The following WRN variants were observed in gnomAD, a reference collection of about 807,000 sequenced individuals.
WRN encodes the protein bifunctional 3'-5' exonuclease/ATP-dependent helicase WRN.
WRN carries 149 observed loss-of-function variants against 180.7 expected under a neutral mutation model. That is an observed-to-expected ratio of 0.82 (90% CI 0.72 to 0.94). The LOEUF (loss-of-function observed/expected upper bound fraction) is 0.94. WRN is among the 40% of genes least tolerant of loss of function. The probability of loss-of-function intolerance (pLI) is 0.00; values close to 1 mark genes in which losing one functional copy is unlikely to be tolerated. For missense variants in WRN, 1,661 were observed against 1,700.1 expected (o/e 0.98, Z 0.40); for synonymous variants, 548 against 568.9 (o/e 0.96, Z 0.52).
intron 1 of WRN, among the ~76,000 whole-genome samples, chr8:31,044,193 C>T (rs113225757): frequency 0.023 from 3,465 of 151,644 alleles, 118 homozygotes; most frequent in African/African-American, 0.077. Context: ...AGGTGCACGC[C>T]GCCACACCCG....
At chr8:31,152,711 A>G (rs912018675) in intron 31 of WRN, among the ~76,000 whole-genome samples, 3 of 152,224 alleles carry the variant, frequency 2.0e-5, no homozygotes. Flanking sequence ...CCTCAACTTA[A>G]TCTTTGTTAA....
chr8:31,135,165 A>G (rs1237060563), intron 24 of WRN, among the ~76,000 whole-genome samples: 1 of 151,768 alleles, frequency 6.6e-6, no homozygotes, highest in Non-Finnish European at 1.5e-5. Flanking sequence ...CAATCCTCCC[A>G]CCTCAGCCTC....
chr8:31,093,460 A>G (rs1813838792), intron 16 of WRN, among the ~76,000 whole-genome samples: 2 of 152,124 alleles, frequency 1.3e-5, no homozygotes, highest in Non-Finnish European at 1.5e-5. Context: ...ATTTCATTGA[A>G]TATAGCACAG....
chr8:31,070,218 T>C (rs1812855948), intron 7 of WRN, among the ~76,000 whole-genome samples: 1 of 151,774 alleles, frequency 6.6e-6, no homozygotes, highest in South Asian at 2.1e-4. Flanking sequence ...TTTTTTTCCT[T>C]CCTTCCTCCC....
intron 17 of WRN, among the ~76,000 whole-genome samples, 192 bp downstream of exon 17, chr8:31,097,042 G>T (rs1213427235): frequency 2.0e-5 from 3 of 152,056 alleles, no homozygotes; most frequent in Non-Finnish European, 4.4e-5. Flanking sequence ...TTTTGCTATA[G>T]AAATTAGGCT....
chr8:31,117,268 C>A (rs770410603), intron 20 of WRN, among the ~76,000 whole-genome samples: 21 of 152,194 alleles, frequency 1.4e-4, no homozygotes, highest in Admixed American at 2.6e-4. Flanking sequence ...CTTGAAGACA[C>A]TCCCTGTTGG....
intron 1 of WRN, among the ~76,000 whole-genome samples, chr8:31,047,720 T>G (rs1267405757): frequency 2.6e-5 from 4 of 152,226 alleles, no homozygotes; most frequent in Non-Finnish European, 1.5e-5. Context: ...ATAGACAACC[T>G]AAGCAACTTT....
chr8:31,072,635 A>C (rs1277711893), intron 7 of WRN, among the ~76,000 whole-genome samples: 1 of 152,218 alleles, frequency 6.6e-6, no homozygotes, highest in Admixed American at 6.5e-5. Flanking sequence ...CTTGAAAACA[A>C]CATTTTCTCA....
chr8:31,060,625 A>G (rs1812453419), intron 3 of WRN, among the ~76,000 whole-genome samples: 1 of 152,232 alleles, frequency 6.6e-6, no homozygotes, highest in African/African-American at 2.4e-5. Context: ...AGCTAGAAAT[A>G]ACATTCAAGT....
rs943559152 is a variant in WRN, at chr8:31,173,395, T to G, written c.*293T>G. On this transcript the variant is annotated 3_prime_UTR_variant, in exon 35 of 35. Coordinates refer to ENST00000298139, the MANE Select transcript of WRN (RefSeq NM_000553.6). ...TTTTCTAATCTCTTTATTAAAACAG[T>G]GTATTTGGAAAATGTTATGTGCTCT... The G allele has an allele frequency of 2.7e-6, 1 of 375,926 alleles. No individual in the cohort carries two copies. Among genetic ancestry groups the G allele is most frequent in the Non-Finnish European group, 4.9e-6 (1 of 205,318 alleles). The allele number at this position is 375,926 out of a possible 1,614,324, so 23.3% of individuals were successfully genotyped here. A position where few individuals can be genotyped will look rare whatever the true frequency, so the allele number is the denominator to read the frequency against.
chr8:31,087,890 G>A lies in WRN; in HGVS notation c.1546G>A (p.Ala516Thr), dbSNP rs2130157157. ...KEEEEDDENEANEGEEDDDKD... is the reference protein window; with the variant it reads ...KEEEEDDENETNEGEEDDDKD... ...AGAAGAAGAAGATGATGAAAATGAA[G>A]CTAATGAAGGGGAAGAAGATGATGA... The change falls in exon 12 of 35, where the codon GCT (alanine) becomes ACT (threonine). Residue 516 changes from alanine (A) to threonine (T), a missense_variant. By Grantham distance (58) the Ala-to-Thr change is moderately conservative (BLOSUM62 0). Transcript: ENST00000298139. 6.2e-7 allele frequency: 1 copy of A among 1,613,602 alleles called. No individual in the cohort carries two copies. The highest frequency in any genetic ancestry group is 1.1e-5 in the South Asian group (1 of 91,070).
rs371797640 is a variant in WRN, at chr8:31,098,988, C to G, written c.1982-1861C>G. Among the ~76,000 whole-genome samples the G allele has an allele frequency of 7.2e-5, 11 of 151,734 alleles. No homozygotes were observed. In the East Asian group the frequency reaches 1.7e-3, roughly 24 times the overall value. ...TTGAACCCAGGAGTTCGAGACCAGCCTGGGCAACACAGTGAGACCCCATCT... is the reference window on the plus strand; with the variant it reads ...TTGAACCCAGGAGTTCGAGACCAGCGTGGGCAACACAGTGAGACCCCATCT... On this transcript the variant is annotated intron_variant, in intron 17 of 34. Coordinates refer to ENST00000298139, the MANE Select transcript of WRN (RefSeq NM_000553.6).
At chr8:31,047,880 A>G (rs143431242) in intron 1 of WRN, among the ~76,000 whole-genome samples, 1 of 152,230 alleles carries the variant, frequency 6.6e-6, no homozygotes, top group Non-Finnish European at 1.5e-5. Context: ...GTTATAAAGC[A>G]CTTCGCTGTG....
At chr8:31,166,452 TG>T (rs1224445849) in intron 33 of WRN, among the ~76,000 whole-genome samples, 2 of 152,190 alleles carry the variant, frequency 1.3e-5, no homozygotes, top group Non-Finnish European at 2.9e-5. Context: ...TTCTTGATTC[TG>T]AAAATAAGAA....
intron 1 of WRN, among the ~76,000 whole-genome samples, chr8:31,035,902 C>T (rs190609903): frequency 1.2e-3 from 189 of 152,258 alleles, no homozygotes; most frequent in Non-Finnish European, 1.9e-3. Flanking sequence ...CAATCCCACC[C>T]GCTTTCCTAG....
At chr8:31,092,793 T>C (rs1813804862) in intron 16 of WRN, among the ~76,000 whole-genome samples, 2 of 152,066 alleles carry the variant, frequency 1.3e-5, no homozygotes, top group Non-Finnish European at 2.9e-5. Context: ...AAGCCACTGC[T>C]CCGATTTTCT....
At chr8:31,053,095 A>G (rs1812138372) in intron 1 of WRN, among the ~76,000 whole-genome samples, 1 of 152,228 alleles carries the variant, frequency 6.6e-6, no homozygotes, top group Admixed American at 6.5e-5. Flanking sequence ...AAACATTTGT[A>G]ACGATCCTCA....
At position 31,139,768 on chromosome 8, in the gene WRN, G is replaced by T. The variant is rs12677943; in HGVS notation, c.2968-1662G>T. On this transcript the variant is annotated intron_variant, in intron 24 of 34. Coordinates refer to ENST00000298139, the MANE Select transcript of WRN (RefSeq NM_000553.6). ...CATGCATGCTAGCAGAAACAGCAGA[G>T]GAGTAGCCTTAGCCTCACTTCCTGC... Among the ~76,000 whole-genome samples, 6 of 149,170 alleles carry T rather than the reference G, an allele frequency of 4.0e-5. No homozygotes were observed. In the South Asian group the frequency reaches 1.0e-3, roughly 26 times the overall value.
intron 13 of WRN, 71 bp downstream of exon 13, chr8:31,089,036 C>A: frequency 2.2e-6 from 3 of 1,381,634 alleles, no homozygotes; most frequent in Non-Finnish European, 3.0e-6. Flanking sequence ...AGGCAAATAA[C>A]CTGTCTGCTT....
Sources: gnomAD v4.1 joint callset for allele counts (sites outside exome capture counted in the v4.1 genomes callset) on GRCh38, gnomAD v4.1.1 for gene constraint, MANE v1.5 for transcripts, NCBI Gene and HGNC (gene_info 2026-07-23, HGNC 2026-07-21) for gene names.